Variants in PRKCE observed in about 807,000 individuals in gnomAD.
PRKCE encodes protein kinase C epsilon, also known as protein kinase C epsilon type.
In PRKCE, 16 loss-of-function variants were observed where a neutral mutation model predicts 85.4. The observed-to-expected ratio is 0.19, with a 90% CI of 0.13 to 0.28. The LOEUF (loss-of-function observed/expected upper bound fraction) is 0.28, where lower values mean the gene tolerates loss of function less well. PRKCE is among the 10% of genes least tolerant of loss of function. The pLI is 1.00. For synonymous variants in PRKCE, 388 were observed against 371.5 expected (o/e 1.04, Z -0.51); for missense variants, 573 against 975.2 (o/e 0.59, Z 5.49).
chr2:45,773,310 C>T (rs1018507841), intron 1 of PRKCE, among the ~76,000 whole-genome samples: 2 of 152,290 alleles, frequency 1.3e-5, no homozygotes, highest in Admixed American at 1.3e-4. Context: ...TGTTTCTGGC[C>T]AGCTGTGTGA....
chr2:46,151,416 T>G (rs1676619656), intron 13 of PRKCE, among the ~76,000 whole-genome samples, 187 bp downstream of exon 13: 1 of 152,016 alleles, frequency 6.6e-6, no homozygotes, highest in Non-Finnish European at 1.5e-5. Flanking sequence ...CCACTGGGAG[T>G]TCAGGCACAG....
chr2:46,183,375 C>T (rs61760000), intron 14 of PRKCE, among the ~76,000 whole-genome samples: 2,474 of 152,300 alleles, frequency 0.016, 25 homozygotes, highest in East Asian at 0.063. Context: ...TTAGTGGTTT[C>T]CACAGAGCAT....
chr2:45,801,417 C>T (rs1391755616), intron 1 of PRKCE, among the ~76,000 whole-genome samples: 4 of 151,976 alleles, frequency 2.6e-5, no homozygotes, highest in South Asian at 2.1e-4. Context: ...GTTGCAAAAA[C>T]GGGGACTGGG....
chr2:45,768,404 C>T (rs1685071631), intron 1 of PRKCE, among the ~76,000 whole-genome samples: 3 of 152,188 alleles, frequency 2.0e-5, no homozygotes, highest in Admixed American at 1.3e-4. Flanking sequence ...GTTCAGGGAC[C>T]ATATCACATT....
chr2:46,023,600 G>T (rs902055003), intron 10 of PRKCE, among the ~76,000 whole-genome samples: 2 of 152,178 alleles, frequency 1.3e-5, no homozygotes, highest in African/African-American at 2.4e-5. Context: ...TTGACCCATA[G>T]CTTGAACTAG....
intron 14 of PRKCE, among the ~76,000 whole-genome samples, chr2:46,166,067 G>T (rs1678308047): frequency 6.6e-6 from 1 of 152,182 alleles, no homozygotes; most frequent in Non-Finnish European, 1.5e-5. Context: ...TTTCCATCCA[G>T]CCATCCGCGC....
At chr2:45,873,343 T>G (rs1326603060) in intron 2 of PRKCE, among the ~76,000 whole-genome samples, 1 of 152,038 alleles carries the variant, frequency 6.6e-6, no homozygotes, top group Non-Finnish European at 1.5e-5. Flanking sequence ...AGACTTGTCT[T>G]GTTGAGCAGA....
chr2:46,150,987 G>A, intron 12 of PRKCE, 54 bp from the exon 13 acceptor site: 3 of 1,521,492 alleles, frequency 2.0e-6, no homozygotes, highest in Non-Finnish European at 2.7e-6. Flanking sequence ...TAGCACGGGT[G>A]TCACTGGGGT....
intron 1 of PRKCE, among the ~76,000 whole-genome samples, chr2:45,719,874 A>G (rs1192413124): frequency 6.6e-6 from 1 of 152,004 alleles, no homozygotes; most frequent in Non-Finnish European, 1.5e-5. Context: ...ACAGTGAGCT[A>G]TGATCTAGCC....
Position 46,081,441 on chromosome 2 carries a change from C to T in PRKCE, c.1438-4767C>T, listed in dbSNP as rs182105448. Among the ~76,000 whole-genome samples, 14 of 152,358 alleles carry T rather than the reference C, an allele frequency of 9.2e-5. No homozygotes were observed. In the East Asian group the frequency reaches 2.7e-3, roughly 29 times the overall value. Reference sequence around the variant, plus strand: ...AAGCCAGAGTTACCAACAGTTCCTGCCCTCATGAAGCACACAGACTACGGC... The same window carrying T: ...AAGCCAGAGTTACCAACAGTTCCTGTCCTCATGAAGCACACAGACTACGGC... On this transcript the variant is annotated intron_variant, in intron 10 of 14. Coordinates refer to ENST00000306156, the MANE Select transcript of PRKCE (RefSeq NM_005400.3).
chr2:45,726,492 G>T (rs1174291463), intron 1 of PRKCE, among the ~76,000 whole-genome samples: 4 of 152,132 alleles, frequency 2.6e-5, no homozygotes, highest in Non-Finnish European at 2.9e-5. Context: ...GGCTCAGATG[G>T]TCATTAGCAT....
intron 1 of PRKCE, among the ~76,000 whole-genome samples, chr2:45,751,963 G>A (rs1212727446): frequency 2.0e-5 from 3 of 148,076 alleles, no homozygotes; most frequent in African/African-American, 5.0e-5. Flanking sequence ...GACTACAGGC[G>A]CCCGCCACTA....
rs779804490 is a variant in PRKCE, at chr2:46,017,447, T to A, written c.1437+6930T>A. ...TGTGTATAATATCACATTTCACTTA[T>A]CATCTATGGATGGACATTTTGACTT... On this transcript the variant is annotated intron_variant, in intron 10 of 14. Transcript: ENST00000306156. Among the ~76,000 whole-genome samples, 74 of 152,252 alleles carry A rather than the reference T, an allele frequency of 4.9e-4. 1 individual carries two copies. Among genetic ancestry groups the A allele is most frequent in the Admixed American group, 4.4e-3 (67 of 15,282 alleles).
intron 2 of PRKCE, among the ~76,000 whole-genome samples, chr2:45,933,291 A>C (rs1416393277): frequency 1.3e-5 from 2 of 152,126 alleles, no homozygotes; most frequent in African/African-American, 2.4e-5. Context: ...CCTTAAGAGG[A>C]TCTTTTGATG....
chr2:45,933,666 C>T (rs535214541), intron 2 of PRKCE, among the ~76,000 whole-genome samples: 2 of 151,806 alleles, frequency 1.3e-5, no homozygotes, highest in South Asian at 2.1e-4. Flanking sequence ...TTAGTGGAGA[C>T]GGGGTTTCAC....
chr2:46,172,851 C>T (rs1679051467), intron 14 of PRKCE, among the ~76,000 whole-genome samples: 3 of 152,200 alleles, frequency 2.0e-5, no homozygotes, highest in Non-Finnish European at 4.4e-5. Flanking sequence ...AGGGCTTTCT[C>T]CTTTATGTGG....
At chr2:45,830,527 G>T (rs1690337557) in intron 1 of PRKCE, among the ~76,000 whole-genome samples, 1 of 152,120 alleles carries the variant, frequency 6.6e-6, no homozygotes, top group Admixed American at 6.5e-5. Flanking sequence ...ATTCCTACTG[G>T]TCCAACATCT....
chr2:46,067,128 ATTATT>A (rs1021951012), intron 10 of PRKCE, among the ~76,000 whole-genome samples: 2 of 152,184 alleles, frequency 1.3e-5, no homozygotes, highest in African/African-American at 4.8e-5. Context: ...CTATTCTTAA[ATTATT>A]TAAAACATTA....
rs1176827442 is a variant in PRKCE, at chr2:45,761,070, G to A, written c.349-81930G>A. On this transcript the variant is annotated intron_variant, in intron 1 of 14. Transcript: ENST00000306156. ...AGGCCGGGCATGGTGGCTCACGCCT[G>A]TAATCCCAGCACTTTGGGAGGCCAA... 4.6e-5 allele frequency among the ~76,000 whole-genome samples: 7 copies of A among 152,170 alleles called. No homozygotes were observed. The East Asian group carries it at 5.8e-4, about 13-fold the overall frequency.
Sources: allele counts gnomAD v4.1 joint callset (sites outside exome capture counted in the v4.1 genomes callset), GRCh38; gene constraint gnomAD v4.1.1; transcripts MANE v1.5; gene names NCBI Gene and HGNC (gene_info 2026-07-23, HGNC 2026-07-21).